ENTPD1: variants seen among roughly 807,000 people sequenced by gnomAD.
The protein encoded by ENTPD1 is ectonucleoside triphosphate diphosphohydrolase 1, also known as ATP diphosphohydrolase.
In ENTPD1, 33 loss-of-function variants were observed where a neutral mutation model predicts 57.0. The observed-to-expected ratio is 0.58, with a 90% CI of 0.44 to 0.77. The LOEUF is 0.77. Ranked by LOEUF, ENTPD1 falls within the 30% of genes least tolerant of loss-of-function variation. ENTPD1 has a pLI of 0.00. For synonymous variants in ENTPD1, 202 were observed against 218.8 expected (o/e 0.92, Z 0.68); for missense variants, 501 against 603.4 (o/e 0.83, Z 1.78).
At chr10:95,712,992 C>A (rs1233318274) in intron 1 of ENTPD1, among the ~76,000 whole-genome samples, 2 of 150,824 alleles carry the variant, frequency 1.3e-5, no homozygotes, top group Non-Finnish European at 2.9e-5. Flanking sequence ...AGAGATTGCG[C>A]CGCTGCACTC....
At chr10:95,864,219 C>G (rs950060284) in intron 8 of ENTPD1, among the ~76,000 whole-genome samples, 1 of 152,126 alleles carries the variant, frequency 6.6e-6, no homozygotes, top group Non-Finnish European at 1.5e-5. Context: ...TTACTGTGCA[C>G]GTGAATCACC....
intron 1 of ENTPD1, among the ~76,000 whole-genome samples, chr10:95,781,397 A>G (rs898894897): frequency 2.0e-5 from 3 of 152,176 alleles, no homozygotes; most frequent in Non-Finnish European, 4.4e-5. Flanking sequence ...TAGGGTGACT[A>G]TAGACAATAA....
intron 1 of ENTPD1, among the ~76,000 whole-genome samples, chr10:95,787,012 G>T (rs1453590488): frequency 2.0e-5 from 3 of 152,264 alleles, no homozygotes; most frequent in East Asian, 3.9e-4. Flanking sequence ...TAGAAAAGGT[G>T]ACTTACTCAA....
At chr10:95,809,499 C>A (rs1240698662) in intron 1 of ENTPD1, among the ~76,000 whole-genome samples, 2 of 147,138 alleles carry the variant, frequency 1.4e-5, no homozygotes, top group Admixed American at 6.7e-5. Flanking sequence ...AGAGGCACCC[C>A]CCACCTCCCA....
At chr10:95,716,691 G>A (rs1296332254) in intron 1 of ENTPD1, among the ~76,000 whole-genome samples, 5 of 152,208 alleles carry the variant, frequency 3.3e-5, no homozygotes, top group Admixed American at 2.0e-4. Context: ...ATGATGCAAC[G>A]TGAGGCCCTT....
intron 1 of ENTPD1, among the ~76,000 whole-genome samples, chr10:95,727,594 A>G (rs950600575): frequency 6.6e-6 from 1 of 152,188 alleles, no homozygotes; most frequent in Non-Finnish European, 1.5e-5. Flanking sequence ...TGCTTGTGAG[A>G]TCAATGTTTT....
chr10:95,792,340 A>G (rs2098208103), intron 1 of ENTPD1, among the ~76,000 whole-genome samples: 1 of 152,264 alleles, frequency 6.6e-6, no homozygotes, highest in Non-Finnish European at 1.5e-5. Context: ...TTGCAATTTT[A>G]GAATTAGGCA....
At chr10:95,705,784 G>A in the ENTPD1 span, among the ~76,000 whole-genome samples, 43 of 152,190 alleles carry the variant, frequency 2.8e-4, no homozygotes, top group African/African-American at 9.4e-4. Context: ...AAGCCACTGC[G>A]CCAGGCCAAC....
intron 1 of ENTPD1, among the ~76,000 whole-genome samples, chr10:95,762,918 T>A (rs1483747678): frequency 6.6e-6 from 1 of 152,130 alleles, no homozygotes; most frequent in Non-Finnish European, 1.5e-5. Context: ...TTACAGTAAA[T>A]TTGACATTTT....
chr10:95,732,387 TC>T (rs2097990206), intron 1 of ENTPD1, among the ~76,000 whole-genome samples: 1 of 152,162 alleles, frequency 6.6e-6, no homozygotes, highest in Admixed American at 6.5e-5. Flanking sequence ...ACAAAGCTAT[TC>T]CACACCCAGC....
chr10:95,826,367 G>A (rs77563928), intron 2 of ENTPD1, among the ~76,000 whole-genome samples: 2,898 of 152,118 alleles, frequency 0.019, 104 homozygotes, highest in African/African-American at 0.067. Flanking sequence ...GAGCTCAGGA[G>A]CTTGAGACCA....
In ENTPD1 at chr10:95,872,716, A is replaced by G; in HGVS notation, c.*6333A>G. ...ATAGTTCTAGCCAACCTCCCTGTCC[A>G]CTGCCAGGCCGACTACAAACCCTTC... is the stretch of plus-strand genomic sequence containing the variant. On this transcript the variant is annotated 3_prime_UTR_variant, in exon 10 of 10. Coordinates refer to ENST00000371205, the MANE Select transcript of ENTPD1 (RefSeq NM_001776.6). 2 of 985,432 alleles carry G rather than the reference A, an allele frequency of 2.0e-6. No homozygotes were observed. The highest frequency in any genetic ancestry group is 1.2e-6 in the Non-Finnish European group (1 of 829,928). 61.0% of individuals were successfully genotyped at this position (985,432 alleles called of 1,614,324 possible).
At chr10:95,756,484 C>A (rs2098025064) in intron 1 of ENTPD1, 1 of 569,136 alleles carries the variant, frequency 1.8e-6, no homozygotes, top group East Asian at 2.9e-5. Flanking sequence ...GCTGGAGGGG[C>A]TCATGAATAT....
chr10:95,712,810 A>G (rs918934508), intron 1 of ENTPD1, among the ~76,000 whole-genome samples: 3 of 152,124 alleles, frequency 2.0e-5, no homozygotes, highest in Non-Finnish European at 4.4e-5. Context: ...CAAGGTGGGC[A>G]GATCATGAGG....
Position 95,871,580 on chromosome 10 carries a change from T to G in ENTPD1, c.*5197T>G. The G allele has an allele frequency of 1.0e-6, 1 of 985,466 alleles. No individual in the cohort carries two copies. Among genetic ancestry groups the G allele is most frequent in the South Asian group, 4.7e-5 (1 of 21,286 alleles). 61.0% of individuals were successfully genotyped at this position (985,466 alleles called of 1,614,324 possible). On this transcript the variant is annotated 3_prime_UTR_variant, in exon 10 of 10. Coordinates refer to ENST00000371205, the MANE Select transcript of ENTPD1 (RefSeq NM_001776.6). ...ACAGGTATAATGGATTTTTCAATAG[T>G]GAGGAGGTGCCTCCATGAGCCTTCT...
At chr10:95,819,338 A>AT (rs906572134) in intron 1 of ENTPD1, among the ~76,000 whole-genome samples, 3 of 151,424 alleles carry the variant, frequency 2.0e-5, no homozygotes, top group African/African-American at 4.9e-5. Context: ...TAATTTTTGT[A>AT]TTTTTTTTGT....
chr10:95,839,401 G>A (rs1389466170), intron 2 of ENTPD1: 1 of 416,836 alleles, frequency 2.4e-6, no homozygotes, highest in African/African-American at 2.0e-5. Context: ...CTGAATCTTG[G>A]CTGCACATTA....
intron 9 of ENTPD1, among the ~76,000 whole-genome samples, chr10:95,865,596 AAC>A (rs1259784289): frequency 2.0e-5 from 3 of 152,234 alleles, no homozygotes; most frequent in Non-Finnish European, 4.4e-5. Flanking sequence ...GCCTGAGGAT[AAC>A]AGTGTCCTTA....
intron 1 of ENTPD1, among the ~76,000 whole-genome samples, chr10:95,818,623 G>A (rs149263258): frequency 0.015 from 2,249 of 152,266 alleles, 27 homozygotes; most frequent in Middle Eastern, 0.044. Flanking sequence ...AGAAGAAGGT[G>A]GGTCTAAGGG....
Sources: allele counts gnomAD v4.1 joint callset (sites outside exome capture counted in the v4.1 genomes callset), GRCh38; gene constraint gnomAD v4.1.1; transcripts MANE v1.5; gene names NCBI Gene and HGNC (gene_info 2026-07-23, HGNC 2026-07-21).